CNTN6: variants seen among roughly 807,000 people sequenced by gnomAD.
CNTN6 encodes the protein contactin-6.
CNTN6 carries 137 observed loss-of-function variants against 122.8 expected under a neutral mutation model. That is an observed-to-expected ratio of 1.12 (90% CI 0.97 to 1.29). The LOEUF is 1.29. Ranked by LOEUF, CNTN6 falls within the 50% of genes most tolerant of loss-of-function variation. The probability of loss-of-function intolerance (pLI) is 0.00; values close to 1 mark genes in which losing one functional copy is unlikely to be tolerated. For synonymous variants in CNTN6, 570 were observed against 426.0 expected (o/e 1.34, Z -4.16); for missense variants, 1,634 against 1,223.4 (o/e 1.34, Z -5.01).
chr3:1,325,770 A>G (rs771199773), intron 8 of CNTN6, 45 bp from the exon 9 acceptor site: 3 of 1,595,564 alleles, frequency 1.9e-6, no homozygotes, highest in Non-Finnish European at 2.6e-6. Flanking sequence ...AATGTCTTGG[A>G]TAACTGCCTT....
intron 2 of CNTN6, among the ~76,000 whole-genome samples, chr3:1,167,490 C>T (rs1259227342): frequency 1.3e-5 from 2 of 152,150 alleles, no homozygotes; most frequent in African/African-American, 4.8e-5. Context: ...CTAGCAAGCA[C>T]ATATTAAAAT....
At chr3:1,146,853 G>C (rs1458066369) in intron 1 of CNTN6, among the ~76,000 whole-genome samples, 2 of 152,108 alleles carry the variant, frequency 1.3e-5, no homozygotes, top group Non-Finnish European at 1.5e-5. Flanking sequence ...GGAATGGAAA[G>C]ATGATGTCAG....
intron 1 of CNTN6, among the ~76,000 whole-genome samples, chr3:1,139,131 A>G (rs1225275708): frequency 6.6e-6 from 1 of 152,270 alleles, no homozygotes; most frequent in East Asian, 1.9e-4. Flanking sequence ...CCATTTGTTT[A>G]TGTCTTGAGT....
In CNTN6 at chr3:1,298,007, T is replaced by C; in HGVS notation, c.761+16T>C. The C allele has an allele frequency of 6.4e-7, 1 of 1,560,838 alleles. No individual in the cohort carries two copies. Among genetic ancestry groups the C allele is most frequent in the Non-Finnish European group, 8.7e-7 (1 of 1,148,442 alleles). On this transcript the variant is annotated intron_variant, in intron 7 of 22. Coordinates refer to ENST00000446702, the MANE Select transcript of CNTN6 (RefSeq NM_001289080.2). ...CCCTTGGAAAGTAAGGTTTTTGTTT[T>C]TGTTTTTGTTTTCCTGGTTGCATTA...
chr3:1,256,986 A>G (rs542769528), intron 4 of CNTN6, among the ~76,000 whole-genome samples: 1 of 152,292 alleles, frequency 6.6e-6, no homozygotes, highest in South Asian at 2.1e-4. Context: ...GTTATGCCAA[A>G]TGATACTTTC....
rs377168413 is a variant in CNTN6, at chr3:1,245,007, G to T, written c.358+17014G>T. Reference sequence around the variant, plus strand: ...TAAGGCTGTTTTTACTTCTTTTGTGGATCTTCAGTTACTTCAGGCCATCTG... The same window carrying T: ...TAAGGCTGTTTTTACTTCTTTTGTGTATCTTCAGTTACTTCAGGCCATCTG... On this transcript the variant is annotated intron_variant, in intron 4 of 22. Coordinates refer to ENST00000446702, the MANE Select transcript of CNTN6 (RefSeq NM_001289080.2). 7.8e-3 allele frequency among the ~76,000 whole-genome samples: 1,159 copies of T among 149,496 alleles called. 15 individuals are homozygous for T. Among genetic ancestry groups the T allele is most frequent in the African/African-American group, 0.026 (1,057 of 40,588 alleles).
At chr3:1,156,706 T>C (rs1369383968) in intron 2 of CNTN6, among the ~76,000 whole-genome samples, 1 of 120,012 alleles carries the variant, frequency 8.3e-6, no homozygotes, top group Non-Finnish European at 2.0e-5. Flanking sequence ...CCTTCCTTCC[T>C]TCCTTCTTCT....
At chr3:1,233,718 G>C (rs1293868493) in intron 4 of CNTN6, among the ~76,000 whole-genome samples, 1 of 97,532 alleles carries the variant, frequency 1.0e-5, no homozygotes, top group African/African-American at 4.2e-5. Flanking sequence ...CTGGGCAACA[G>C]AACGAGACTC....
chr3:1,308,412 G>A (rs559748507), intron 7 of CNTN6, among the ~76,000 whole-genome samples: 1 of 151,750 alleles, frequency 6.6e-6, no homozygotes, highest in Admixed American at 6.6e-5. Context: ...AAGCAGTCAT[G>A]TCTCCAAGGA....
rs933846308 is a variant in CNTN6 at position 1,181,505 on chromosome 3, CTTTG to C, written c.55+33448_55+33451del. ...GTGGCAAAACAAATATAGCATTTGT[CTTTG>C]TTTGTGTATTTTTAATGAGCCGAAT... On this transcript the variant is annotated intron_variant, in intron 2 of 22. Transcript: ENST00000446702. Among the ~76,000 whole-genome samples, 24 of 152,122 alleles carry C rather than the reference CTTTG, an allele frequency of 1.6e-4. 1 individual carries two copies. Among genetic ancestry groups the C allele is most frequent in the South Asian group, 8.3e-4 (4 of 4,828 alleles).
At chr3:1,358,597 G>A (rs1263584717) in intron 12 of CNTN6, among the ~76,000 whole-genome samples, 3 of 151,952 alleles carry the variant, frequency 2.0e-5, no homozygotes, top group Non-Finnish European at 4.4e-5. Context: ...AGAGGAATGG[G>A]GTTGAAGGGC....
At chr3:1,264,048 G>A (rs1026207111) in intron 4 of CNTN6, among the ~76,000 whole-genome samples, 1 of 151,984 alleles carries the variant, frequency 6.6e-6, no homozygotes, top group Admixed American at 6.6e-5. Context: ...AAAATAAAAT[G>A]GCAGCTGTAT....
At chr3:1,279,344 A>C (rs1010699277) in intron 5 of CNTN6, among the ~76,000 whole-genome samples, 1 of 149,054 alleles carries the variant, frequency 6.7e-6, no homozygotes, top group South Asian at 2.1e-4. Flanking sequence ...CAGTGTGAAA[A>C]CATCCATGGA....
intron 14 of CNTN6, 88 bp downstream of exon 14, chr3:1,373,043 C>T (rs575324305): frequency 2.2e-3 from 1,621 of 747,258 alleles, no homozygotes; most frequent in Non-Finnish European, 3.1e-3. Context: ...AGAAACCACA[C>T]CATGTTATGG....
chr3:1,123,444 A>T (rs1465648380), intron 1 of CNTN6, among the ~76,000 whole-genome samples: 1 of 151,816 alleles, frequency 6.6e-6, no homozygotes, highest in East Asian at 1.9e-4. Flanking sequence ...TGTGCTTTTC[A>T]GATAATTGCT....
chr3:1,225,743 G>A (rs73109263), intron 3 of CNTN6, among the ~76,000 whole-genome samples: 24,725 of 148,096 alleles, frequency 0.17, 3,691 homozygotes, highest in African/African-American at 0.4. Context: ...TATTGAAAAC[G>A]AGCAGTCTCT....
At chr3:1,403,223 G>C in intron 22 of CNTN6, 95 bp from the exon 23 acceptor site, 1 of 690,144 alleles carries the variant, frequency 1.4e-6, no homozygotes, top group Non-Finnish European at 2.4e-6. Context: ...GTTACTAGAA[G>C]AGAAATGATA....
At chr3:1,156,242 T>C (rs2092959172) in intron 2 of CNTN6, among the ~76,000 whole-genome samples, 1 of 152,242 alleles carries the variant, frequency 6.6e-6, no homozygotes. Context: ...TTTAACACAC[T>C]TATTCGAATG....
chr3:1,253,213 C>G (rs181025566), intron 4 of CNTN6, among the ~76,000 whole-genome samples: 4 of 152,278 alleles, frequency 2.6e-5, no homozygotes, highest in Admixed American at 6.5e-5. Context: ...CTCTCCTTAC[C>G]AAGCCCAGCA....
Sources: gnomAD v4.1 joint callset for allele counts (sites outside exome capture counted in the v4.1 genomes callset) on GRCh38, gnomAD v4.1.1 for gene constraint, MANE v1.5 for transcripts, NCBI Gene and HGNC (gene_info 2026-07-23, HGNC 2026-07-21) for gene names.